Variants in KLRG1 observed in about 807,000 individuals in gnomAD.
KLRG1 encodes the protein killer cell lectin like receptor G1.
A neutral mutation model predicts 21.8 loss-of-function variants in KLRG1; 16 were observed. The observed-to-expected ratio is 0.73, with a 90% CI of 0.50 to 1.11. The LOEUF is 1.11. Ranked by LOEUF, KLRG1 falls within the 50% of genes most tolerant of loss-of-function variation. KLRG1 has a pLI of 0.00. For missense variants in KLRG1, 173 were observed against 218.3 expected, an observed-to-expected ratio of 0.79 and a Z score of 1.31; for synonymous variants, 69 against 75.9, an observed-to-expected ratio of 0.91 and a Z score of 0.47.
chr12:9,149,053 A>T, the KLRG1 span: 1 of 1,478,520 alleles, frequency 6.8e-7, no homozygotes, highest in Admixed American at 1.7e-5. Flanking sequence ...CATTCAGTTG[A>T]GTGTGGGCAG....
the KLRG1 span, among the ~76,000 whole-genome samples, chr12:9,046,560 T>C: frequency 6.6e-6 from 1 of 152,162 alleles, no homozygotes; most frequent in African/African-American, 2.4e-5. Context: ...TTATAGCAGA[T>C]GTCTCTTCAA....
chr12:9,160,590 G>A, the KLRG1 span: 6 of 1,126,570 alleles, frequency 5.3e-6, no homozygotes, highest in Non-Finnish European at 7.7e-6. Context: ...TATCATTTAG[G>A]TAAGAGAAAA....
chr12:9,002,330 A>G (rs1237785414), intron 3 of KLRG1, among the ~76,000 whole-genome samples: 1 of 152,202 alleles, frequency 6.6e-6, no homozygotes, highest in Non-Finnish European at 1.5e-5. Context: ...AAAATACTAC[A>G]TACAGAAGTG....
the KLRG1 span, among the ~76,000 whole-genome samples, chr12:9,038,814 G>A: frequency 1.1e-4 from 16 of 151,176 alleles, no homozygotes; most frequent in African/African-American, 2.4e-4. Flanking sequence ...CAGGAAAATC[G>A]CTTGATTCTC....
the KLRG1 span, among the ~76,000 whole-genome samples, chr12:9,213,157 C>T: frequency 6.6e-6 from 1 of 152,168 alleles, no homozygotes; most frequent in African/African-American, 2.4e-5. Context: ...CATTCCTTTA[C>T]ATGAGTGAAC....
chr12:9,205,726 C>A, the KLRG1 span, among the ~76,000 whole-genome samples: 1 of 152,320 alleles, frequency 6.6e-6, no homozygotes, highest in South Asian at 2.1e-4. Context: ...CCCTTACTTT[C>A]CATTGCCAAC....
At chr12:8,995,863 T>C (rs1004144176) in intron 3 of KLRG1, among the ~76,000 whole-genome samples, 3 of 151,938 alleles carry the variant, frequency 2.0e-5, no homozygotes, top group African/African-American at 7.3e-5. Flanking sequence ...TTTGTATTTT[T>C]AGTAGAGATG....
At chr12:9,044,119 A>T in the KLRG1 span, among the ~76,000 whole-genome samples, 3 of 152,218 alleles carry the variant, frequency 2.0e-5, no homozygotes, top group African/African-American at 4.8e-5. Flanking sequence ...GTGGTTTTTT[A>T]TACAGTAACA....
the KLRG1 span, among the ~76,000 whole-genome samples, chr12:9,114,709 A>G: frequency 7.3e-6 from 1 of 137,066 alleles, no homozygotes; most frequent in African/African-American, 3.0e-5. Flanking sequence ...GTTCACATAT[A>G]TACATATATG....
At chr12:8,958,506 C>G (rs768937917) in intron 1 of KLRG1, among the ~76,000 whole-genome samples, 1 of 152,268 alleles carries the variant, frequency 6.6e-6, no homozygotes, top group South Asian at 2.1e-4. Flanking sequence ...TTTGGCTATT[C>G]TAGGTCCTTT....
chr12:9,076,908 C>A, the KLRG1 span: 4 of 1,604,830 alleles, frequency 2.5e-6, no homozygotes, highest in African/African-American at 4.0e-5. Flanking sequence ...TGACTCCAGG[C>A]AAAACAGGGC....
chr12:9,028,806 G>A, the KLRG1 span: 1 of 622,700 alleles, frequency 1.6e-6, no homozygotes, highest in Admixed American at 1.8e-5. Flanking sequence ...CCTGGTCTTT[G>A]AGAATCTTCT....
the KLRG1 span, among the ~76,000 whole-genome samples, chr12:9,170,446 A>G: frequency 2.6e-5 from 4 of 152,158 alleles, no homozygotes; most frequent in African/African-American, 4.8e-5. The surrounding 1 kb of genome is among the most constrained non-coding windows in gnomAD (Gnocchi z 4.6). Flanking sequence ...CTGTTTGTAT[A>G]TATCCCTAGG....
the KLRG1 span, among the ~76,000 whole-genome samples, chr12:9,034,443 A>G: frequency 6.6e-6 from 1 of 151,188 alleles, no homozygotes; most frequent in Non-Finnish European, 1.5e-5. Context: ...TTAATATACC[A>G]TACTTTTTTT....
the KLRG1 span, among the ~76,000 whole-genome samples, chr12:9,084,465 G>A: frequency 1.3e-5 from 2 of 152,118 alleles, no homozygotes; most frequent in East Asian, 3.9e-4. Context: ...GTGAAAGAAT[G>A]CAAAGTTAAG....
At chr12:9,140,264 A>AG in the KLRG1 span, among the ~76,000 whole-genome samples, 196 of 151,738 alleles carry the variant, frequency 1.3e-3, 3 homozygotes, top group African/African-American at 3.6e-3. Flanking sequence ...GCATAGTAGT[A>AG]GGGGGGGGCC....
the KLRG1 span, chr12:9,192,687 T>C: frequency 6.2e-7 from 1 of 1,613,974 alleles, no homozygotes; most frequent in Non-Finnish European, 8.5e-7. Flanking sequence ...ACCCTGGTGG[T>C]CTTCTGCTAC....
chr12:9,039,645 A>G, the KLRG1 span, among the ~76,000 whole-genome samples: 8 of 152,338 alleles, frequency 5.3e-5, no homozygotes, highest in African/African-American at 1.7e-4. Context: ...CAGTCAGTCC[A>G]GTGACTTTTC....
the KLRG1 span, chr12:9,159,950 TG>T: frequency 6.2e-7 from 1 of 1,612,696 alleles, no homozygotes; most frequent in Non-Finnish European, 8.5e-7. Context: ...AGTGTTGCCC[TG>T]GTTCCTGCCA....
Sources: allele counts gnomAD v4.1 joint callset (sites outside exome capture counted in the v4.1 genomes callset), GRCh38; gene constraint gnomAD v4.1.1; non-coding constraint Gnocchi (gnomAD v3.1); transcripts MANE v1.5; gene names NCBI Gene and HGNC (gene_info 2026-07-23, HGNC 2026-07-21).